Variants in NPR3 observed in about 807,000 individuals in gnomAD.
NPR3 encodes the protein atrial natriuretic peptide receptor 3.
A neutral mutation model predicts 54.5 loss-of-function variants in NPR3; 34 were observed. That is an observed-to-expected ratio of 0.62 (90% CI 0.47 to 0.83). The LOEUF (loss-of-function observed/expected upper bound fraction) is 0.83, where lower values mean the gene tolerates loss of function less well. Among genes scored for constraint, NPR3 ranks in the 40% least tolerant of loss-of-function variants. NPR3 has a pLI of 0.00. For missense variants in NPR3, 674 were observed against 720.8 expected (o/e 0.94, Z 0.74); for synonymous variants, 289 against 297.1 (o/e 0.97, Z 0.28).
At chr5:32,729,164 G>A (rs1477836191) in intron 2 of NPR3, among the ~76,000 whole-genome samples, 2 of 150,108 alleles carry the variant, frequency 1.3e-5, no homozygotes, top group African/African-American at 4.9e-5. Context: ...CAAGTAGCTG[G>A]GACTACAGGC....
intron 3 of NPR3, 97 bp from the exon 4 acceptor site, chr5:32,774,611 C>T: frequency 1.1e-6 from 1 of 887,016 alleles, no homozygotes; most frequent in South Asian, 1.4e-5. Flanking sequence ...GGCTAACAGA[C>T]CTGAAGTCTA....
chr5:32,714,566 A>G (rs549728923), intron 1 of NPR3, among the ~76,000 whole-genome samples: 1 of 148,424 alleles, frequency 6.7e-6, no homozygotes, highest in African/African-American at 2.5e-5. Flanking sequence ...TGACCTGTAT[A>G]TTTTACAAGT....
At chr5:32,692,680 T>G (rs1387255031) in intron 1 of NPR3, among the ~76,000 whole-genome samples, 1 of 152,194 alleles carries the variant, frequency 6.6e-6, no homozygotes, top group African/African-American at 2.4e-5. Flanking sequence ...TGGAAAGAAA[T>G]AAAAAATTGT....
At chr5:32,785,977 AC>A (rs1371762987) in intron 7 of NPR3, among the ~76,000 whole-genome samples, 1 of 152,222 alleles carries the variant, frequency 6.6e-6, no homozygotes, top group Non-Finnish European at 1.5e-5. Flanking sequence ...AATAGACAAG[AC>A]CTAACCCCCA....
chr5:32,701,504 A>T (rs1440924398), intron 1 of NPR3, among the ~76,000 whole-genome samples: 1 of 152,040 alleles, frequency 6.6e-6, no homozygotes, highest in East Asian at 1.9e-4. Flanking sequence ...CCCAGGATTG[A>T]TCCTTGTTGC....
chr5:32,723,823 T>C (rs1314696828), intron 1 of NPR3, among the ~76,000 whole-genome samples: 2 of 151,892 alleles, frequency 1.3e-5, no homozygotes, highest in Non-Finnish European at 2.9e-5. Flanking sequence ...TGATTTCAAG[T>C]ATCTCCCTGT....
intron 4 of NPR3, among the ~76,000 whole-genome samples, chr5:32,777,600 G>T (rs1169026254): frequency 6.6e-6 from 1 of 152,156 alleles, no homozygotes; most frequent in African/African-American, 2.4e-5. Context: ...CCCTTAGTTT[G>T]TCCTCAGTTC....
chr5:32,789,287 TA>T lies in NPR3; in HGVS notation c.*2943del, dbSNP rs3214434. ...ATCATTGTCTTCTTAGATTTTTGGG[TA>T]GGGGGGCCAGGTAGGGGGAGACTCA... On this transcript the variant is annotated 3_prime_UTR_variant, in exon 8 of 8. Coordinates refer to ENST00000265074, the MANE Select transcript of NPR3 (RefSeq NM_001204375.2). The T allele has an allele frequency of 0.21, 85,257 of 415,070 alleles. 9,781 individuals carry two copies. Among genetic ancestry groups the T allele is most frequent in the East Asian group, 0.44 (7,552 of 17,004 alleles). The allele number at this position is 415,070 out of a possible 1,614,324, so 25.7% of individuals were successfully genotyped here.
chr5:32,731,729 A>G (rs1739458643), intron 2 of NPR3, among the ~76,000 whole-genome samples: 1 of 152,188 alleles, frequency 6.6e-6, no homozygotes, highest in Non-Finnish European at 1.5e-5. Context: ...GCCAATGTTA[A>G]TATAATATAT....
Position 32,711,599 on chromosome 5 carries a change from GA to G in NPR3, c.-177del. The G allele has an allele frequency of 8.0e-7, 1 of 1,243,930 alleles. No individual in the cohort carries two copies. Among genetic ancestry groups the G allele is most frequent in the South Asian group, 4.0e-5 (1 of 24,842 alleles). 77.1% of individuals were successfully genotyped at this position (1,243,930 alleles called of 1,614,324 possible). On this transcript the variant is annotated 5_prime_UTR_variant, in exon 1 of 8. Coordinates refer to ENST00000265074, the MANE Select transcript of NPR3 (RefSeq NM_001204375.2). The stretch of plus-strand genomic sequence containing the variant: ...TTTAAGAAAAACTAGTGACATTGCA[GA>G]GAAGGACGCTTCCTCTCTATCTTTT...
chr5:32,712,581 C>A, intron 1 of NPR3, 36 bp downstream of exon 1: 1 of 1,493,536 alleles, frequency 6.7e-7, no homozygotes, highest in South Asian at 1.4e-5. Context: ...CGGGCCCTAA[C>A]CCAACCGCTC....
chr5:32,789,918 A>T lies in NPR3; in HGVS notation c.*3573A>T. On this transcript the variant is annotated 3_prime_UTR_variant, in exon 8 of 8. Transcript: ENST00000265074. ...TGTGAGTGTTTATAAACTGGAAGGAACAAGTACCTGTGTTTCTTGGGACAC... is the reference window on the plus strand; with the variant it reads ...TGTGAGTGTTTATAAACTGGAAGGATCAAGTACCTGTGTTTCTTGGGACAC... 2.7e-6 allele frequency: 1 copy of T among 371,394 alleles called. No individual in the cohort carries two copies. Among genetic ancestry groups the T allele is most frequent in the East Asian group, 6.9e-5 (1 of 14,480 alleles). The allele number at this position is 371,394 out of a possible 1,614,324, so 23.0% of individuals were successfully genotyped here.
At chr5:32,736,230 C>CAAAAAA (rs56211529) in intron 2 of NPR3, among the ~76,000 whole-genome samples, 1 of 65,380 alleles carries the variant, frequency 1.5e-5, no homozygotes, top group African/African-American at 5.3e-5. Flanking sequence ...CACTCTGTCT[C>CAAAAAA]AAAAAAAAAA....
At chr5:32,697,042 A>C (rs932097738) in intron 1 of NPR3, among the ~76,000 whole-genome samples, 1 of 151,982 alleles carries the variant, frequency 6.6e-6, no homozygotes, top group Non-Finnish European at 1.5e-5. Context: ...CAGTGGTGAC[A>C]GTGTCATGTT....
intron 1 of NPR3, among the ~76,000 whole-genome samples, chr5:32,719,414 A>C (rs557525752): frequency 6.6e-6 from 1 of 152,288 alleles, no homozygotes; most frequent in African/African-American, 2.4e-5. Flanking sequence ...ATACCTTTAC[A>C]CATAGTTATA....
At chr5:32,712,614 C>T in intron 1 of NPR3, 69 bp downstream of exon 1, 10 of 1,415,394 alleles carry the variant, frequency 7.1e-6, no homozygotes, top group Non-Finnish European at 9.4e-6. Flanking sequence ...CCTGCACACT[C>T]GTCCACTCTG....
intron 3 of NPR3, among the ~76,000 whole-genome samples, chr5:32,759,884 T>C (rs1741063761): frequency 1.3e-5 from 2 of 152,208 alleles, no homozygotes; most frequent in South Asian, 4.1e-4. Flanking sequence ...TGGTTGGATA[T>C]GAAATTCTGG....
At chr5:32,714,047 G>A (rs1424165584) in intron 1 of NPR3, among the ~76,000 whole-genome samples, 1 of 152,258 alleles carries the variant, frequency 6.6e-6, no homozygotes, top group Non-Finnish European at 1.5e-5. Context: ...CAGTCGCCAG[G>A]TTACTGCAGC....
chr5:32,785,214 A>G (rs973550174), intron 7 of NPR3, among the ~76,000 whole-genome samples: 15 of 136,066 alleles, frequency 1.1e-4, no homozygotes, highest in African/African-American at 4.3e-4. Context: ...GTGCAGTGGC[A>G]CGATCTCTGT....
Sources: gnomAD v4.1 joint callset for allele counts (sites outside exome capture counted in the v4.1 genomes callset) on GRCh38, gnomAD v4.1.1 for gene constraint, MANE v1.5 for transcripts, NCBI Gene and HGNC (gene_info 2026-07-23, HGNC 2026-07-21) for gene names.